Variants in SLC37A1 observed in about 807,000 individuals in gnomAD.
The protein encoded by SLC37A1 is solute carrier family 37 member 1.
A neutral mutation model predicts 75.3 loss-of-function variants in SLC37A1; 49 were observed. The observed-to-expected ratio is 0.65, with a 90% confidence interval of 0.52 to 0.83. The LOEUF is 0.83. Among genes scored for constraint, SLC37A1 ranks in the 40% least tolerant of loss-of-function variants. SLC37A1 has a pLI of 0.00. For synonymous variants in SLC37A1, 268 were observed against 292.1 expected (o/e 0.92, Z 0.84); for missense variants, 566 against 695.0 (o/e 0.81, Z 2.09).
intron 11 of SLC37A1, among the ~76,000 whole-genome samples, chr21:42,560,032 C>G (rs3788029): frequency 6.6e-6 from 1 of 152,050 alleles, no homozygotes; most frequent in Non-Finnish European, 1.5e-5. Flanking sequence ...GAAGCTGGAC[C>G]GGGCTGGTCC....
chr21:42,546,293 G>A (rs1455090292), intron 8 of SLC37A1, among the ~76,000 whole-genome samples: 1 of 152,190 alleles, frequency 6.6e-6, no homozygotes, highest in African/African-American at 2.4e-5. Context: ...TTCTGGTTCT[G>A]TTCCTTTTCA....
In SLC37A1 at chr21:42,514,515, C is replaced by G. The variant is rs112132021; in HGVS notation, c.-381C>G. 1 of 152,244 alleles carries G rather than the reference C, an allele frequency of 6.6e-6. No homozygotes were observed. Among genetic ancestry groups the G allele is most frequent in the Admixed American group, 6.5e-5 (1 of 15,294 alleles). The allele number at this position is 152,244 out of a possible 1,614,324, so 9.4% of individuals were successfully genotyped here. On this transcript the variant is annotated 5_prime_UTR_variant, in exon 1 of 20. Transcript: ENST00000352133. This position sits in a 1 kb window ranked among gnomAD's most constrained non-coding sequence, Gnocchi z 4.8. ...GAGGAGCCGGCACAGAACGCTGGCT[C>G]GGAGCGCCGGCACCCTGGGCCTTTG...
chr21:42,558,126 T>C (rs2055737747), intron 10 of SLC37A1, among the ~76,000 whole-genome samples: 1 of 152,166 alleles, frequency 6.6e-6, no homozygotes, highest in Non-Finnish European at 1.5e-5. Context: ...TAGGTCTTAC[T>C]GTGTGGCCCA....
At chr21:42,502,207 A>C (rs1424181608) in intron 1 of SLC37A1, 5 of 152,256 alleles carry the variant, frequency 3.3e-5, no homozygotes. Context: ...TGCCCAAAGT[A>C]AATAGATGAA....
intron 16 of SLC37A1, 88 bp downstream of exon 16, chr21:42,567,146 AAC>A: frequency 7.0e-7 from 1 of 1,420,016 alleles, no homozygotes; most frequent in Non-Finnish European, 9.7e-7. Context: ...CTGTTAGTAA[AAC>A]TGCATTTGCA....
At chr21:42,534,425 C>T (rs943449355) in intron 3 of SLC37A1, among the ~76,000 whole-genome samples, 2 of 152,166 alleles carry the variant, frequency 1.3e-5, no homozygotes, top group African/African-American at 2.4e-5. Context: ...TCCCGAGGCT[C>T]GTCTTCTGGT....
At chr21:42,561,128 C>A (rs73905694) in intron 11 of SLC37A1, among the ~76,000 whole-genome samples, 3,051 of 152,276 alleles carry the variant, frequency 0.02, 101 homozygotes, top group African/African-American at 0.07. Context: ...ACTGTGAAGA[C>A]ATCAACTCGT....
intron 18 of SLC37A1, among the ~76,000 whole-genome samples, chr21:42,578,376 T>G (rs997141527): frequency 6.6e-6 from 1 of 152,206 alleles, no homozygotes; most frequent in Non-Finnish European, 1.5e-5. Flanking sequence ...ACTGTCACCA[T>G]TTACAGTTCA....
Position 42,564,788 on chromosome 21 carries a change from C to G in SLC37A1, c.1216C>G (p.Pro406Ala). The G allele has an allele frequency of 1.2e-6, 2 of 1,604,950 alleles. No homozygotes were observed. The highest frequency in any genetic ancestry group is 1.7e-6 in the Non-Finnish European group (2 of 1,179,886). Residue 406 changes from proline to alanine, a missense_variant, in exon 14 of 20, where the codon CCC becomes GCC. Physicochemically the swap from Pro to Ala is conservative, Grantham distance 27. Coordinates refer to ENST00000352133, the MANE Select transcript of SLC37A1 (RefSeq NM_001320537.2). ...TCGLMLLLAA[P>A]TLYIFSTVSK... ...CGGCCTGATGCTGCTGCTCGCGGCC[C>G]CCACGGTCAGCCGTGCTGCCTTCCC...
At chr21:42,575,477 C>G in intron 18 of SLC37A1, 6 of 985,430 alleles carry the variant, frequency 6.1e-6, no homozygotes, top group Non-Finnish European at 7.2e-6. Flanking sequence ...GGCTTCTGCC[C>G]CCTTTTCTCT....
At chr21:42,563,427 C>T (rs907940073) in intron 12 of SLC37A1, among the ~76,000 whole-genome samples, 1 of 152,154 alleles carries the variant, frequency 6.6e-6, no homozygotes, top group Non-Finnish European at 1.5e-5. Context: ...TGGAGGGCAC[C>T]CTGAGCTGGT....
intron 2 of SLC37A1, 37 bp from the exon 3 acceptor site, chr21:42,525,739 A>T: frequency 1.4e-6 from 2 of 1,461,116 alleles, no homozygotes; most frequent in Non-Finnish European, 1.9e-6. Context: ...AACTTCTGTT[A>T]TTTCATATCA....
At position 42,508,118 on chromosome 21, in the gene SLC37A1, C is replaced by T. The variant is rs142262275; in HGVS notation, c.-179+5701C>T. ...CAAACTATAACTGGACTGAAGAGTA[C>T]GCTCTTTTTTTTTTTTTTTTTTTTT... On this transcript the variant is annotated intron_variant, in intron 2 of 20. Transcript: ENST00000398341. Among the ~76,000 whole-genome samples, 26 of 144,906 alleles carry T rather than the reference C, an allele frequency of 1.8e-4. 4 individuals are homozygous for T. The highest frequency in any genetic ancestry group is 2.0e-4 in the East Asian group (1 of 4,952).
Position 42,548,990 on chromosome 21 carries a change from A to G in SLC37A1, c.768+1850A>G, listed in dbSNP as rs2055491870. Among the ~76,000 whole-genome samples the G allele has an allele frequency of 6.6e-6, 1 of 152,178 alleles. No individual in the cohort carries two copies. The highest frequency in any genetic ancestry group is 6.5e-5 in the Admixed American group (1 of 15,276). The stretch of plus-strand genomic sequence containing the variant: ...CAAAGAAACAAAATGAAGTTTGAAA[A>G]CCAGTGCCTTCAGGAAGGTCAAACA... On this transcript the variant is annotated intron_variant, in intron 9 of 19. Transcript: ENST00000352133. This position sits in a 1 kb window ranked among gnomAD's most constrained non-coding sequence, Gnocchi z 5.6.
intron 17 of SLC37A1, among the ~76,000 whole-genome samples, chr21:42,569,910 A>G (rs1295781001): frequency 6.6e-6 from 1 of 152,244 alleles, no homozygotes; most frequent in Non-Finnish European, 1.5e-5. Context: ...GCCCCCGCCC[A>G]GCCCTGGGTG....
In SLC37A1 at chr21:42,563,840, G is replaced by A. The variant is rs369209394; in HGVS notation, c.1098G>A (p.Gly366=). The stretch of plus-strand genomic sequence containing the variant: ...ATCACCTTGATGCCAAAAAGGCGGG[G>A]GAGCTCTCCACCCTGTTTGACGTGG... The part of the protein sequence containing the change: ...NVDHLDAKKA[G]ELSTLFDVGG... The change falls in exon 13 of 20, where the codon GGG becomes GGA. Residue 366 remains glycine, a synonymous_variant. Coordinates refer to ENST00000352133, the MANE Select transcript of SLC37A1 (RefSeq NM_001320537.2). 136 of 1,614,084 alleles carry A rather than the reference G, an allele frequency of 8.4e-5. 1 individual carries two copies. Among genetic ancestry groups the A allele is most frequent in the Middle Eastern group, 1.6e-4 (1 of 6,082 alleles).
chr21:42,526,530 G>A (rs1053890277), intron 3 of SLC37A1, among the ~76,000 whole-genome samples: 3 of 152,122 alleles, frequency 2.0e-5, no homozygotes, highest in Non-Finnish European at 2.9e-5. Context: ...CTCACTCTCC[G>A]GGAGTTGGCA....
rs952741287 is a variant in SLC37A1 at position 42,580,205 on chromosome 21, C to A, written c.1587-140C>A. 29 of 935,370 alleles carry A rather than the reference C, an allele frequency of 3.1e-5. No homozygotes were observed. In the African/African-American group the frequency reaches 4.6e-4, roughly 15 times the overall value. The allele number at this position is 935,370 out of a possible 1,614,324, so 57.9% of individuals were successfully genotyped here. On this transcript the variant is annotated intron_variant, in intron 19 of 19. Coordinates refer to ENST00000352133, the MANE Select transcript of SLC37A1 (RefSeq NM_001320537.2). The stretch of plus-strand genomic sequence containing the variant: ...CAAGGGTTTATCCAGCATCCAGCAC[C>A]CCTGCAGGAGAGGAATCCCTGCTGG...
In SLC37A1 at chr21:42,559,002, C is replaced by T. The variant is rs539524101; in HGVS notation, c.894C>T (p.Ser298=). The T allele has an allele frequency of 6.2e-7, 1 of 1,613,894 alleles. No individual in the cohort carries two copies. Among genetic ancestry groups the T allele is most frequent in the South Asian group, 1.1e-5 (1 of 91,042 alleles). The part of the protein sequence containing the change: ...QCLLLSDGKG[S]IHPNHVVILP... Reference sequence around the variant, plus strand: ...TGCTGCTCTCAGATGGGAAGGGCTCCATCCACCCGAACCACGTCGTCATTC... The same window carrying T: ...TGCTGCTCTCAGATGGGAAGGGCTCTATCCACCCGAACCACGTCGTCATTC... The change falls in exon 11 of 20, where the codon TCC becomes TCT. Residue 298 remains serine (S), a synonymous_variant. Coordinates refer to ENST00000352133, the MANE Select transcript of SLC37A1 (RefSeq NM_001320537.2).
Sources: gnomAD v4.1 joint callset for allele counts (sites outside exome capture counted in the v4.1 genomes callset) on GRCh38, gnomAD v4.1.1 for gene constraint, Gnocchi (gnomAD v3.1) non-coding constraint, MANE v1.5 for transcripts, NCBI Gene and HGNC (gene_info 2026-07-23, HGNC 2026-07-21) for gene names.